Variants in RABL6 observed in about 807,000 individuals in gnomAD.
The protein encoded by RABL6 is RAB, member RAS oncogene family like 6.
RABL6 carries 28 observed loss-of-function variants against 72.9 expected under a neutral mutation model. That is an observed-to-expected ratio of 0.38 (90% CI 0.28 to 0.53). The LOEUF (loss-of-function observed/expected upper bound fraction) is 0.53. RABL6 is among the 20% of genes least tolerant of loss of function. The pLI, the probability that RABL6 is intolerant of heterozygous loss-of-function variation, is 0.80. For synonymous variants in RABL6, 477 were observed against 421.2 expected, an observed-to-expected ratio of 1.13 and a Z score of -1.62; for missense variants, 1,029 against 1,008.4, an observed-to-expected ratio of 1.02 and a Z score of -0.28.
At chr9:136,819,404 C>G (rs542133734) in intron 1 of RABL6, among the ~76,000 whole-genome samples, 2 of 151,268 alleles carry the variant, frequency 1.3e-5, no homozygotes. Context: ...GGCAAGGGAA[C>G]CAGAGCTGTA....
intron 1 of RABL6, chr9:136,812,920 A>G (rs1848043448): frequency 8.8e-6 from 3 of 342,798 alleles, no homozygotes. Context: ...CACAACCCCA[A>G]AGCCACCTTC....
rs1260091297 is a variant in RABL6 at position 136,831,729 on chromosome 9, A to G, written c.467A>G (p.Asn156Ser). The change falls in exon 6 of 15, where the codon AAT (asparagine) becomes AGT (serine). Residue 156 changes from asparagine (N) to serine (S), a missense_variant. Asn to Ser is a conservative substitution (Grantham distance 46, BLOSUM62 1). Transcript: ENST00000311502. Reference sequence around the variant, plus strand: ...CTCACCTGTTCTCCGAGGACCTTCAATTACATTCTCCGGGAGCTTCCAAAA... The same window carrying G: ...CTCACCTGTTCTCCGAGGACCTTCAGTTACATTCTCCGGGAGCTTCCAAAA... The part of the protein sequence containing the change: ...MFDITKQWTF[N>S]YILRELPKVP... The G allele has an allele frequency of 1.9e-6, 3 of 1,613,194 alleles. No individual in the cohort carries two copies. Among genetic ancestry groups the G allele is most frequent in the African/African-American group, 1.3e-5 (1 of 75,006 alleles).
Position 136,808,232 on chromosome 9 carries a change from C to T in RABL6, c.36C>T (p.Asp12=). Residue 12 remains aspartate, a synonymous_variant, in exon 1 of 15, where the codon GAC becomes GAT. Transcript: ENST00000311502. The stretch of plus-strand genomic sequence containing the variant: ...CCCTGAAGAAGCTGGTGGGGTCGGA[C>T]CAGGCCCCGGGCCGGGACAAGAACA... ...FSALKKLVGS[D]QAPGRDKNIP... 5.1e-6 allele frequency: 8 copies of T among 1,561,552 alleles called. No individual in the cohort carries two copies. The highest frequency in any genetic ancestry group is 1.2e-5 in the South Asian group (1 of 85,526).
intron 7 of RABL6, chr9:136,833,682 G>A: frequency 1.3e-6 from 2 of 1,548,276 alleles, no homozygotes; most frequent in Non-Finnish European, 1.7e-6. Flanking sequence ...GGGACCTGGG[G>A]CCCAGCTGCA....
chr9:136,837,309 G>A, intron 8 of RABL6, 37 bp from the exon 9 acceptor site: 3 of 1,571,378 alleles, frequency 1.9e-6, no homozygotes, highest in South Asian at 2.3e-5. Flanking sequence ...GGGAGAGGCA[G>A]GGGAGCCAGG....
chr9:136,840,084 GAA>G, intron 13 of RABL6, 68 bp from the exon 14 acceptor site: 1 of 1,600,504 alleles, frequency 6.2e-7, no homozygotes, highest in East Asian at 2.2e-5. Flanking sequence ...AGTTTCTAGA[GAA>G]GTCCTGTCAC....
At chr9:136,832,033 C>T (rs939998568) in intron 6 of RABL6, 172 bp downstream of exon 6, 70 of 1,103,374 alleles carry the variant, frequency 6.3e-5, no homozygotes, top group African/African-American at 3.8e-4. Context: ...ATGGCAGGGC[C>T]GGGAACTGTG....
chr9:136,840,793 C>T lies in RABL6; in HGVS notation c.*271C>T, dbSNP rs1385306547. ...CCTGGCCCTCTCGGGGCAGAGCCGCCAGTGTTTCTCAGGGATGTGACTGAG... is the reference window on the plus strand; with the variant it reads ...CCTGGCCCTCTCGGGGCAGAGCCGCTAGTGTTTCTCAGGGATGTGACTGAG... On this transcript the variant is annotated 3_prime_UTR_variant, in exon 15 of 15. Coordinates refer to ENST00000311502, the MANE Select transcript of RABL6 (RefSeq NM_024718.5). The T allele has an allele frequency of 1.3e-6, 2 of 1,547,666 alleles. No individual in the cohort carries two copies. The highest frequency in any genetic ancestry group is 8.7e-7 in the Non-Finnish European group (1 of 1,146,814).
At chr9:136,818,824 G>A (rs919540385) in intron 1 of RABL6, among the ~76,000 whole-genome samples, 1 of 152,030 alleles carries the variant, frequency 6.6e-6, no homozygotes, top group Non-Finnish European at 1.5e-5. Context: ...GTATATAAAA[G>A]AAGAAACTAC....
intron 4 of RABL6, 57 bp downstream of exon 4, chr9:136,828,603 C>T (rs919825837): frequency 3.3e-5 from 51 of 1,563,088 alleles, no homozygotes; most frequent in Admixed American, 8.4e-5. Flanking sequence ...GTGCGTGAGC[C>T]GGTGCCCAGC....
In RABL6 at chr9:136,821,822, C is replaced by T. The variant is rs1325134729; in HGVS notation, c.131-1703C>T. 14 of 1,188,612 alleles carry T rather than the reference C, an allele frequency of 1.2e-5. No homozygotes were observed. The East Asian group carries it at 9.4e-4, about 80-fold the overall frequency. 73.6% of individuals were successfully genotyped at this position (1,188,612 alleles called of 1,614,324 possible). On this transcript the variant is annotated intron_variant, in intron 1 of 14. Transcript: ENST00000311502. ...CGGGAGAGGGAGGGGAACGAGGGCCCAGCCTTCCGCGGGGTGGGCTCGGCC... is the reference window on the plus strand; with the variant it reads ...CGGGAGAGGGAGGGGAACGAGGGCCTAGCCTTCCGCGGGGTGGGCTCGGCC...
chr9:136,816,096 A>G (rs973292660), intron 1 of RABL6, among the ~76,000 whole-genome samples: 1 of 152,160 alleles, frequency 6.6e-6, no homozygotes, highest in African/African-American at 2.4e-5. Context: ...AGCAGGAGAA[A>G]AAAAAGATTC....
intron 1 of RABL6, chr9:136,812,987 C>G: frequency 2.8e-6 from 1 of 358,802 alleles, no homozygotes; most frequent in Non-Finnish European, 5.5e-6. Context: ...TCACCATCTT[C>G]CGCGGCCTCC....
chr9:136,835,597 C>T (rs1848570523), intron 7 of RABL6, 145 bp from the exon 8 acceptor site: 1 of 675,294 alleles, frequency 1.5e-6, no homozygotes, highest in Non-Finnish European at 2.5e-6. Context: ...CAGCGCAGAG[C>T]TCCATGAGTT....
At chr9:136,825,734 G>A in intron 2 of RABL6, 45 bp from the exon 3 acceptor site, 2 of 1,596,666 alleles carry the variant, frequency 1.3e-6, no homozygotes, top group Non-Finnish European at 1.7e-6. Flanking sequence ...TGCCACCTTG[G>A]GAACTTCATG....
At chr9:136,811,475 G>T (rs184290960) in intron 1 of RABL6, among the ~76,000 whole-genome samples, 1 of 152,020 alleles carries the variant, frequency 6.6e-6, no homozygotes, top group Non-Finnish European at 1.5e-5. Flanking sequence ...AAAATTAACC[G>T]GGTGTGATGG....
At chr9:136,815,480 G>T in intron 1 of RABL6, 1 of 268,508 alleles carries the variant, frequency 3.7e-6, no homozygotes, top group East Asian at 1.2e-4. Flanking sequence ...CCTCCTTTGG[G>T]GGAGCAGCCA....
At chr9:136,825,068 C>A (rs1188981327) in intron 2 of RABL6, among the ~76,000 whole-genome samples, 1 of 152,210 alleles carries the variant, frequency 6.6e-6, no homozygotes. Flanking sequence ...GTCCCCAGCA[C>A]GCCCCACAAC....
At chr9:136,832,909 CA>C in intron 7 of RABL6, 1 of 324,854 alleles carries the variant, frequency 3.1e-6, no homozygotes, top group Non-Finnish European at 6.0e-6. Context: ...GCTGTGGCTG[CA>C]AAGTAGCCCA....
Sources: gnomAD v4.1 joint callset for allele counts (sites outside exome capture counted in the v4.1 genomes callset) on GRCh38, gnomAD v4.1.1 for gene constraint, MANE v1.5 for transcripts, NCBI Gene and HGNC (gene_info 2026-07-23, HGNC 2026-07-21) for gene names.